The following B3GALNT2 variants were observed in gnomAD, a reference collection of about 807,000 sequenced individuals.
B3GALNT2 encodes the protein UDP-GalNAc:beta-1,3-N-acetylgalactosaminyltransferase 2.
A neutral mutation model predicts 61.1 loss-of-function variants in B3GALNT2; 53 were observed. The ratio of observed to expected loss-of-function variants is 0.87; its 90% CI spans 0.70 to 1.09. The LOEUF is 1.09. Among genes scored for constraint, B3GALNT2 ranks in the 50% least tolerant of loss-of-function variants. The pLI, the probability that B3GALNT2 is intolerant of heterozygous loss-of-function variation, is 0.00. For synonymous variants in B3GALNT2, 223 were observed against 237.4 expected (o/e 0.94, Z 0.56); for missense variants, 544 against 623.0 (o/e 0.87, Z 1.35).
chr1:235,476,711 G>A (rs1405081055), intron 5 of B3GALNT2, among the ~76,000 whole-genome samples: 1 of 151,952 alleles, frequency 6.6e-6, no homozygotes, highest in Non-Finnish European at 1.5e-5. Context: ...ATTAGCCGGT[G>A]TGGTGGCATG....
In B3GALNT2 at chr1:235,494,706, G is replaced by C; in HGVS notation, c.235C>G (p.Leu79Val). The change falls in exon 2 of 12, where the codon CTA becomes GTA. Residue 79 changes from leucine (L) to valine (V), a missense_variant. Physicochemically the swap from Leu to Val is conservative, Grantham distance 32 (BLOSUM62 1). Coordinates refer to ENST00000366600, the MANE Select transcript of B3GALNT2 (RefSeq NM_152490.5). ...CGTTGACTTAATGTGGGATGCTGTA[G>C]CAAATGTCTCATCCAGGTGCTTCTT... is the stretch of plus-strand genomic sequence containing the variant. ...VIRSTWMRHL[L>V]QHPTLSQRVL... The C allele has an allele frequency of 6.2e-7, 1 of 1,613,150 alleles. No homozygotes were observed. The highest frequency in any genetic ancestry group is 8.5e-7 in the Non-Finnish European group (1 of 1,179,328).
At chr1:235,474,987 A>ATATTTTTTT (rs1180244284) in intron 5 of B3GALNT2, among the ~76,000 whole-genome samples, 9 of 35,574 alleles carry the variant, frequency 2.5e-4, no homozygotes, top group South Asian at 1.2e-3. Context: ...ATATATATAT[A>ATATTTTTTT]TTTTTTTTTT....
At chr1:235,441,795 C>G in the B3GALNT2 span, 2 of 1,612,298 alleles carry the variant, frequency 1.2e-6, no homozygotes, top group Non-Finnish European at 1.7e-6. Flanking sequence ...TCATTCATCT[C>G]TTTTGCTTTC....
At chr1:235,477,053 T>G (rs534667595) in intron 5 of B3GALNT2, among the ~76,000 whole-genome samples, 1 of 151,182 alleles carries the variant, frequency 6.6e-6, no homozygotes, top group Admixed American at 6.6e-5. Flanking sequence ...TAAATAAAAA[T>G]TAGGGGAAAA....
At chr1:235,471,211 T>C (rs770240174) in intron 5 of B3GALNT2, among the ~76,000 whole-genome samples, 37 of 152,176 alleles carry the variant, frequency 2.4e-4, no homozygotes, top group Admixed American at 1.4e-3. Flanking sequence ...CCATTTCCCA[T>C]TGTATCAAAA....
chr1:235,481,194 C>T (rs1175455034), intron 4 of B3GALNT2, among the ~76,000 whole-genome samples: 1 of 152,132 alleles, frequency 6.6e-6, no homozygotes, highest in Non-Finnish European at 1.5e-5. Context: ...TACCCATGAA[C>T]CCATTAGCAT....
Position 235,449,072 on chromosome 1 carries a change from C to A in B3GALNT2, c.*1134G>T. 3.0e-6 allele frequency: 1 copy of A among 332,078 alleles called. No individual in the cohort carries two copies. The highest frequency in any genetic ancestry group is 2.6e-5 in the South Asian group (1 of 38,320). 20.6% of individuals were successfully genotyped at this position (332,078 alleles called of 1,614,324 possible). ...AAGAAACTAGCTAGCCTAATAAAAT[C>A]TGAACACAGTTAATATCTGTCATAA... On this transcript the variant is annotated 3_prime_UTR_variant, in exon 12 of 12. Transcript: ENST00000366600.
intron 7 of B3GALNT2, chr1:235,464,444 C>T (rs1213461586): frequency 1.3e-5 from 2 of 150,164 alleles, no homozygotes; most frequent in Admixed American, 6.7e-5. Flanking sequence ...CTCCCTCCCT[C>T]ACCACCTTCT....
Position 235,454,314 on chromosome 1 carries a change from A to T in B3GALNT2, c.1153T>A (p.Phe385Ile). 6.2e-7 allele frequency: 1 copy of T among 1,607,800 alleles called. No individual in the cohort carries two copies. The highest frequency in any genetic ancestry group is 8.5e-7 in the Non-Finnish European group (1 of 1,176,624). ...CGGTCAACTGCCCAATTCAGTCTGA[A>T]ACTGAGATGAAAAATAATGTGGCCT... Reference protein sequence around the residue: ...LDGPNFWWGNFRLNWAVDRTG... With the variant: ...LDGPNFWWGNIRLNWAVDRTG... The change falls in exon 10 of 12, where the codon TTC (phenylalanine) becomes ATC (isoleucine). Residue 385 changes from phenylalanine to isoleucine, a missense_variant and splice_region_variant. Phe to Ile is a conservative substitution (Grantham distance 21, BLOSUM62 0). Transcript: ENST00000366600.
rs1683672419 is a variant in B3GALNT2 at position 235,465,910 on chromosome 1, T to G, written c.763-196A>C. Reference sequence around the variant, plus strand: ...TATTTTTGTTATCTAATTACAATACTAAAGATAAGATATACCCAACATTCC... The same window carrying G: ...TATTTTTGTTATCTAATTACAATACGAAAGATAAGATATACCCAACATTCC... On this transcript the variant is annotated intron_variant, in intron 6 of 11. Transcript: ENST00000366600. 3 of 591,274 alleles carry G rather than the reference T, an allele frequency of 5.1e-6. No individual in the cohort carries two copies. In the Admixed American group the frequency reaches 9.5e-5, roughly 19 times the overall value. The allele number at this position is 591,274 out of a possible 1,614,324, so 36.6% of individuals were successfully genotyped here. A position where few individuals can be genotyped will look rare whatever the true frequency, so the allele number is the denominator to read the frequency against.
At chr1:235,494,469 T>A (rs567813808) in intron 2 of B3GALNT2, among the ~76,000 whole-genome samples, 1 of 151,720 alleles carries the variant, frequency 6.6e-6, no homozygotes, top group East Asian at 1.9e-4. Context: ...TTTTTTTTTT[T>A]AAATTAGGCA....
rs573630279 is a variant in B3GALNT2, at chr1:235,494,686, A to C, written c.255T>G (p.Ser85Arg). The change falls in exon 2 of 12, where the codon AGT becomes AGG. Residue 85 changes from serine (S) to arginine (R), a missense_variant. Ser to Arg is a moderately radical substitution (Grantham distance 110). Transcript: ENST00000366600. The part of the protein sequence containing the change: ...MRHLLQHPTL[S>R]QRVLVKFIIG... ...CAACAACTCAGAAAACCTACCGTTG[A>C]CTTAATGTGGGATGCTGTAGCAAAT... is the stretch of plus-strand genomic sequence containing the variant. 15 of 1,611,468 alleles carry C rather than the reference A, an allele frequency of 9.3e-6. No individual in the cohort carries two copies. In the South Asian group the frequency reaches 1.4e-4, roughly 15 times the overall value.
the B3GALNT2 span, among the ~76,000 whole-genome samples, chr1:235,440,606 C>T: frequency 6.6e-6 from 1 of 151,718 alleles, no homozygotes; most frequent in East Asian, 2.0e-4. Context: ...GTTGGCCAGG[C>T]TGGTCTCAAA....
chr1:235,491,053 GTCTA>G (rs556813240), intron 2 of B3GALNT2, among the ~76,000 whole-genome samples: 2 of 149,848 alleles, frequency 1.3e-5, no homozygotes, highest in Non-Finnish European at 3.0e-5. Context: ...AATGTGATGT[GTCTA>G]TCTATAGCCA....
At chr1:235,489,335 C>T in intron 2 of B3GALNT2, 67 bp from the exon 3 acceptor site, 1 of 1,590,576 alleles carries the variant, frequency 6.3e-7, no homozygotes, top group Non-Finnish European at 8.6e-7. Context: ...TTTCCTCATG[C>T]CCATTTCAGA....
At chr1:235,484,118 A>G (rs1684684450) in intron 4 of B3GALNT2, among the ~76,000 whole-genome samples, 1 of 152,192 alleles carries the variant, frequency 6.6e-6, no homozygotes, top group South Asian at 2.1e-4. Context: ...TTCTAGATAT[A>G]GCACATTTAT....
At position 235,504,149 on chromosome 1, in the gene B3GALNT2, C is replaced by T. The variant is rs1057522172; in HGVS notation, c.104G>A (p.Gly35Asp). 20 of 1,279,024 alleles carry T rather than the reference C, an allele frequency of 1.6e-5. No individual in the cohort carries two copies. The East Asian group carries it at 4.9e-4, about 31-fold the overall frequency. 79.2% of individuals were successfully genotyped at this position (1,279,024 alleles called of 1,614,324 possible). ...CGGCCCCAGGACCTCACCTGCAGGG[C>T]CGGCCCCGGAGGCGCAGGCGGGCGG... ...SPPPACASGAGPADQLALFPQ... is the reference protein window; with the variant it reads ...SPPPACASGADPADQLALFPQ... Residue 35 changes from glycine to aspartate, a missense_variant, in exon 1 of 12, where the codon GGC (glycine) becomes GAC (aspartate). Physicochemically the swap from Gly to Asp is moderately conservative, Grantham distance 94. Coordinates refer to ENST00000366600, the MANE Select transcript of B3GALNT2 (RefSeq NM_152490.5).
In B3GALNT2 at chr1:235,450,286, G is replaced by A. The variant is rs367543077; in HGVS notation, c.1423C>T (p.Gln475Ter). ...TCETGMLSSP[Q>*]YSPWELTELW... ...TCCGTCAGTTCCCACGGAGAATACTGAGGAGAAGACAGCATTCCTGTCTCA... is the reference window on the plus strand; with the variant it reads ...TCCGTCAGTTCCCACGGAGAATACTAAGGAGAAGACAGCATTCCTGTCTCA... The change falls in exon 12 of 12, where the codon CAG (glutamine) becomes TAG (stop). Residue 475 changes from glutamine (Q) to a stop codon, truncating the protein, a stop_gained. Coordinates refer to ENST00000366600, the MANE Select transcript of B3GALNT2 (RefSeq NM_152490.5). LOFTEE classifies it low-confidence loss of function (END_TRUNC). The A allele has an allele frequency of 6.2e-7, 1 of 1,613,876 alleles. No homozygotes were observed. The highest frequency in any genetic ancestry group is 8.5e-7 in the Non-Finnish European group (1 of 1,179,768).
chr1:235,478,921 G>C (rs1446890660), intron 5 of B3GALNT2: 1 of 151,974 alleles, frequency 6.6e-6, no homozygotes, highest in Non-Finnish European at 1.5e-5. Flanking sequence ...CCCTGTTTTA[G>C]TTTGGCTTTT....
Sources: gnomAD v4.1 joint callset for allele counts (sites outside exome capture counted in the v4.1 genomes callset) on GRCh38, gnomAD v4.1.1 for gene constraint, MANE v1.5 for transcripts, NCBI Gene and HGNC (gene_info 2026-07-23, HGNC 2026-07-21) for gene names.